Variants in INHBA observed in about 807,000 individuals in gnomAD.
The protein encoded by INHBA is inhibin beta A chain.
Under a neutral mutation model 29.0 loss-of-function variants are expected in INHBA, and 1 was observed. That is an observed-to-expected ratio of 0.03 (90% CI 0.01 to 0.16). The LOEUF (loss-of-function observed/expected upper bound fraction) is 0.16, where lower values mean the gene tolerates loss of function less well. INHBA is among the 10% of genes least tolerant of loss of function. The pLI is 1.00. For missense variants in INHBA, 376 were observed against 545.4 expected (o/e 0.69, Z 3.09); for synonymous variants, 242 against 216.8 (o/e 1.12, Z -1.02).
In INHBA at chr7:41,689,552, T is replaced by A; in HGVS notation, c.*98A>T. 3.4e-6 allele frequency: 3 copies of A among 894,728 alleles called. No individual in the cohort carries two copies. Among genetic ancestry groups the A allele is most frequent in the Non-Finnish European group, 4.6e-6 (3 of 651,374 alleles). 55.4% of individuals were successfully genotyped at this position (894,728 alleles called of 1,614,324 possible). On this transcript the variant is annotated 3_prime_UTR_variant, in exon 3 of 3. Coordinates refer to ENST00000242208, the MANE Select transcript of INHBA (RefSeq NM_002192.4). ...TTTTTTTTGTTTTGTTTTTAATTTC[T>A]ATTTTTCTGGTTAACTCAGAAACCT...
chr7:41,697,599 A>G (rs1198937244), intron 2 of INHBA, among the ~76,000 whole-genome samples: 1 of 152,216 alleles, frequency 6.6e-6, no homozygotes, highest in Non-Finnish European at 1.5e-5. Flanking sequence ...CTCATGGGTG[A>G]CAATGTCTGG....
Position 41,700,431 on chromosome 7 carries a change from C to A in INHBA, c.-57G>T, listed in dbSNP as rs1000913579. The A allele has an allele frequency of 2.7e-5, 36 of 1,355,158 alleles. No homozygotes were observed. The highest frequency in any genetic ancestry group is 2.0e-4 in the Middle Eastern group (1 of 4,964). 83.9% of individuals were successfully genotyped at this position (1,355,158 alleles called of 1,614,324 possible). On this transcript the variant is annotated 5_prime_UTR_variant, in exon 2 of 3. Transcript: ENST00000242208. ...TTAAAAGGCCCTGCTTTTCCTCCCC[C>A]CTCACGCGCAGGTTTTTTTGTGTGT...
chr7:41,688,079 A>G lies in INHBA; in HGVS notation c.*1571T>C, dbSNP rs543126836. The G allele has an allele frequency of 6.6e-6, 1 of 152,370 alleles. No individual in the cohort carries two copies. Among genetic ancestry groups the G allele is most frequent in the Non-Finnish European group, 1.5e-5 (1 of 68,036 alleles). The allele number at this position is 152,370 out of a possible 1,614,324, so 9.4% of individuals were successfully genotyped here. ...TTTGAAATGCGCCCACCTAGTTCAG[A>G]GTAAAAGCAAAAACTATAGCCTATC... is the stretch of plus-strand genomic sequence containing the variant. On this transcript the variant is annotated 3_prime_UTR_variant, in exon 3 of 3. Coordinates refer to ENST00000242208, the MANE Select transcript of INHBA (RefSeq NM_002192.4).
At chr7:41,704,181 T>C (rs1794859404), upstream of INHBA, among the ~76,000 whole-genome samples, 1 of 152,116 alleles carries the variant, frequency 6.6e-6, no homozygotes, top group East Asian at 1.9e-4. Context: ...ACAAGCAAAA[T>C]ATAGAGGCTC....
chr7:41,688,293 C>T lies in INHBA; in HGVS notation c.*1357G>A, dbSNP rs1794427894. The stretch of plus-strand genomic sequence containing the variant: ...ATGTAGTTCCATGAATTTGATTGAA[C>T]TTGATATCCAACAGTGTACAACTAC... On this transcript the variant is annotated 3_prime_UTR_variant, in exon 3 of 3. Coordinates refer to ENST00000242208, the MANE Select transcript of INHBA (RefSeq NM_002192.4). 6.6e-6 allele frequency: 1 copy of T among 152,112 alleles called. No homozygotes were observed. The highest frequency in any genetic ancestry group is 1.5e-5 in the Non-Finnish European group (1 of 68,024). The allele number at this position is 152,112 out of a possible 1,614,324, so 9.4% of individuals were successfully genotyped here. A position where few individuals can be genotyped will look rare whatever the true frequency, so the allele number is the denominator to read the frequency against.
intron 2 of INHBA, among the ~76,000 whole-genome samples, chr7:41,695,007 C>T (rs1297775186): frequency 2.0e-5 from 3 of 152,156 alleles, no homozygotes; most frequent in African/African-American, 7.2e-5. Flanking sequence ...ATCATGAAGG[C>T]ATGGCAAGGG....
intron 2 of INHBA, among the ~76,000 whole-genome samples, chr7:41,693,272 C>G (rs1179363273): frequency 6.6e-6 from 1 of 152,136 alleles, no homozygotes; most frequent in East Asian, 1.9e-4. Context: ...GTAACTCATC[C>G]CCATGAGCTC....
rs1423763059 is a variant in INHBA at position 41,687,491 on chromosome 7, C to G, written c.*2159G>C. ...TTAGCTATTCCAGGCAAGCTAAGTA[C>G]TAGAATAAACTAGATAAAAACTTGG... On this transcript the variant is annotated 3_prime_UTR_variant, in exon 3 of 3. Coordinates refer to ENST00000242208, the MANE Select transcript of INHBA (RefSeq NM_002192.4). 1.3e-5 allele frequency: 2 copies of G among 151,964 alleles called. No individual in the cohort carries two copies. The highest frequency in any genetic ancestry group is 2.9e-5 in the Non-Finnish European group (2 of 68,008). The allele number at this position is 151,964 out of a possible 1,614,324, so 9.4% of individuals were successfully genotyped here. A position where few individuals can be genotyped will look rare whatever the true frequency, so the allele number is the denominator to read the frequency against.
chr7:41,697,925 C>A (rs2128670818), intron 2 of INHBA, among the ~76,000 whole-genome samples: 1 of 152,084 alleles, frequency 6.6e-6, no homozygotes, highest in South Asian at 2.1e-4. Context: ...GTGTGAAATC[C>A]CTCAGAGAAA....
chr7:41,698,384 A>G (rs543566684), intron 2 of INHBA, among the ~76,000 whole-genome samples: 1 of 152,346 alleles, frequency 6.6e-6, no homozygotes, highest in South Asian at 2.1e-4. Flanking sequence ...GGAGGTTGGT[A>G]TACAAAGACA....
At position 41,688,438 on chromosome 7, in the gene INHBA, A is replaced by G. The variant is rs1794430349; in HGVS notation, c.*1212T>C. ...ACTCAACCTTGAATCCCAACCCCTG[A>G]CTCATTGATGGTGAATGATACCAAC... On this transcript the variant is annotated 3_prime_UTR_variant, in exon 3 of 3. Transcript: ENST00000242208. 1 of 152,072 alleles carries G rather than the reference A, an allele frequency of 6.6e-6. No homozygotes were observed. The highest frequency in any genetic ancestry group is 6.6e-5 in the Admixed American group (1 of 15,260). 9.4% of individuals were successfully genotyped at this position (152,072 alleles called of 1,614,324 possible).
intron 1 of INHBA, among the ~76,000 whole-genome samples, chr7:41,701,502 A>G (rs1794794752): frequency 1.3e-5 from 2 of 152,272 alleles, no homozygotes; most frequent in Admixed American, 1.3e-4. Flanking sequence ...ACTCTTCCCA[A>G]CTGTGAAATG....
In INHBA at chr7:41,700,479, T is replaced by C; in HGVS notation, c.-105A>G. The C allele has an allele frequency of 4.2e-6, 5 of 1,186,372 alleles. No homozygotes were observed. The highest frequency in any genetic ancestry group is 4.5e-6 in the Non-Finnish European group (4 of 893,168). The allele number at this position is 1,186,372 out of a possible 1,614,324, so 73.5% of individuals were successfully genotyped here. The stretch of plus-strand genomic sequence containing the variant: ...TGTGTGGATTTTTTTATTTTTTTTT[T>C]TGGTGTTTTTTTTTTCCTTCTCCTC... On this transcript the variant is annotated 5_prime_UTR_variant, in exon 2 of 3. Transcript: ENST00000242208.
rs763203259 is a variant in INHBA at position 41,690,533 on chromosome 7, C to T, written c.398G>A (p.Arg133Lys). The T allele has an allele frequency of 1.3e-6, 2 of 1,595,398 alleles. No individual in the cohort carries two copies. Among genetic ancestry groups the T allele is most frequent in the Admixed American group, 3.5e-5 (2 of 57,808 alleles). ...IITFAESGTA[R>K]KTLHFEISKE... ...GGAAATCTCGAAGTGCAGCGTCTTCCTGGCTGTTCCTGAAGATGAAAGACA... is the reference window on the plus strand; with the variant it reads ...GGAAATCTCGAAGTGCAGCGTCTTCTTGGCTGTTCCTGAAGATGAAAGACA... Residue 133 changes from arginine to lysine, a missense_variant, in exon 3 of 3, where the codon AGG (arginine) becomes AAG (lysine). This residue lies in a region of INHBA where 253 missense variants were observed against 313.4 expected (regional missense o/e 0.81). Transcript: ENST00000242208.
At chr7:41,701,765 A>C (rs748379992) in intron 1 of INHBA, among the ~76,000 whole-genome samples, 2 of 152,084 alleles carry the variant, frequency 1.3e-5, no homozygotes, top group Non-Finnish European at 2.9e-5. Context: ...GACTCTCTAA[A>C]ATATATTGGC....
intron 2 of INHBA, among the ~76,000 whole-genome samples, chr7:41,693,384 G>T (rs1227188747): frequency 6.6e-6 from 1 of 152,210 alleles, no homozygotes; most frequent in Non-Finnish European, 1.5e-5. Flanking sequence ...AACACCCAAG[G>T]CTGACTACAG....
In INHBA at chr7:41,690,361, T is replaced by C. The variant is rs1794474187; in HGVS notation, c.570A>G (p.Glu190=). The part of the protein sequence containing the change: ...KHPQGSLDTG[E]EAEEVGLKGE... ...CCTTTAAGCCCACTTCCTCGGCCTC[T>C]TCCCCTGTGTCCAAGCTGCCCTGCG... Residue 190 remains glutamate, a synonymous_variant, in exon 3 of 3, where the codon GAA becomes GAG. Transcript: ENST00000242208. 3.1e-6 allele frequency: 5 copies of C among 1,614,130 alleles called. No individual in the cohort carries two copies. The highest frequency in any genetic ancestry group is 1.6e-4 in the Middle Eastern group (1 of 6,062).
chr7:41,702,867 G>A (rs747236813), intron 1 of INHBA, 138 bp downstream of exon 1: 2 of 152,190 alleles, frequency 1.3e-5, no homozygotes, highest in African/African-American at 2.4e-5. Flanking sequence ...ATTAAAAGCT[G>A]TATTAACCTG....
chr7:41,701,038 G>A (rs1459148022), intron 1 of INHBA, among the ~76,000 whole-genome samples: 1 of 151,908 alleles, frequency 6.6e-6, no homozygotes, highest in Non-Finnish European at 1.5e-5. Context: ...CACCATTTTC[G>A]GGGGTTCTAC....
Sources: gnomAD v4.1 joint callset for allele counts (sites outside exome capture counted in the v4.1 genomes callset) on GRCh38, gnomAD v4.1.1 for gene constraint, gnomAD v4.1.1 regional missense constraint, MANE v1.5 for transcripts, NCBI Gene and HGNC (gene_info 2026-07-23, HGNC 2026-07-21) for gene names.